The following ATP11A variants were observed in gnomAD, a reference collection of about 807,000 sequenced individuals.
ATP11A encodes the protein phospholipid-transporting ATPase IH.
ATP11A carries 81 observed loss-of-function variants against 154.4 expected under a neutral mutation model. That is an observed-to-expected ratio of 0.52 (90% CI 0.44 to 0.63). The LOEUF (loss-of-function observed/expected upper bound fraction) is 0.63, where lower values mean the gene tolerates loss of function less well. Among genes scored for constraint, ATP11A ranks in the 30% least tolerant of loss-of-function variants. ATP11A has a pLI of 0.00. For synonymous variants in ATP11A, 623 were observed against 585.9 expected (o/e 1.06, Z -0.91); for missense variants, 1,316 against 1,474.3 (o/e 0.89, Z 1.76).
At chr13:112,699,904 G>A (rs941712940) in intron 1 of ATP11A, among the ~76,000 whole-genome samples, 1 of 152,004 alleles carries the variant, frequency 6.6e-6, no homozygotes, top group Non-Finnish European at 1.5e-5. Context: ...CTTTATTAAT[G>A]GACATGAAAA....
At chr13:112,858,415 A>G (rs2079998862) in intron 22 of ATP11A, 125 bp downstream of exon 22, 2 of 1,037,766 alleles carry the variant, frequency 1.9e-6, no homozygotes, top group Non-Finnish European at 2.7e-6. Context: ...CAACTGTCAG[A>G]AAGGAAGGGG....
intron 2 of ATP11A, among the ~76,000 whole-genome samples, chr13:112,798,412 C>T (rs551352968): frequency 6.6e-6 from 1 of 152,340 alleles, no homozygotes; most frequent in African/African-American, 2.4e-5. Flanking sequence ...GATTACAGGG[C>T]ACAGCACCCA....
chr13:112,880,900 C>G, intron 29 of ATP11A: 1 of 998,428 alleles, frequency 1.0e-6, no homozygotes, highest in Non-Finnish European at 1.2e-6. Context: ...CACAGCCTGA[C>G]CAGACCCAGC....
At chr13:112,738,352 G>C (rs909990582) in intron 1 of ATP11A, among the ~76,000 whole-genome samples, 1 of 150,288 alleles carries the variant, frequency 6.7e-6, no homozygotes, top group Non-Finnish European at 1.5e-5. Context: ...CAACCTGGAC[G>C]ACAAGAGTGA....
chr13:112,821,825 A>T (rs554531055), intron 8 of ATP11A, among the ~76,000 whole-genome samples: 2 of 152,176 alleles, frequency 1.3e-5, no homozygotes, highest in African/African-American at 4.8e-5. Context: ...CTTTTTAAAA[A>T]CGCTGTTTGT....
chr13:112,791,368 C>G (rs1016187990), intron 2 of ATP11A, among the ~76,000 whole-genome samples: 3 of 152,238 alleles, frequency 2.0e-5, no homozygotes, highest in African/African-American at 7.2e-5. Flanking sequence ...GAGCTGGCTT[C>G]TCCCTTCCTG....
intron 2 of ATP11A, among the ~76,000 whole-genome samples, chr13:112,800,572 GA>G (rs553388141): frequency 0.01 from 1,393 of 138,766 alleles, 19 homozygotes; most frequent in African/African-American, 0.031. Flanking sequence ...AACATTTAAG[GA>G]AAAAAAAAAA....
chr13:112,720,135 G>A (rs565690028), intron 1 of ATP11A, among the ~76,000 whole-genome samples: 1 of 152,188 alleles, frequency 6.6e-6, no homozygotes, highest in Non-Finnish European at 1.5e-5. Context: ...AGTGACTGTG[G>A]GCTGGGGAAA....
chr13:112,827,479 ACCACCGCCCTG>A (rs2078963235), intron 12 of ATP11A, among the ~76,000 whole-genome samples: 1 of 152,156 alleles, frequency 6.6e-6, no homozygotes, highest in South Asian at 2.1e-4. Flanking sequence ...GTCTGGTGTG[ACCACCGCCCTG>A]CCACCGCACC....
At chr13:112,740,025 T>C (rs1175673524) in intron 1 of ATP11A, among the ~76,000 whole-genome samples, 1 of 152,070 alleles carries the variant, frequency 6.6e-6, no homozygotes, top group East Asian at 1.9e-4. Context: ...ATGATGAAAA[T>C]GCTCTAGAAT....
intron 1 of ATP11A, among the ~76,000 whole-genome samples, chr13:112,703,650 T>A (rs557739651): frequency 2.6e-5 from 4 of 152,254 alleles, no homozygotes; most frequent in Non-Finnish European, 5.9e-5. Context: ...AGTTAGGTAA[T>A]TTGACCCTTC....
At chr13:112,751,045 G>A (rs1263099288) in intron 1 of ATP11A, among the ~76,000 whole-genome samples, 1 of 152,224 alleles carries the variant, frequency 6.6e-6, no homozygotes, top group East Asian at 1.9e-4. Flanking sequence ...TGCCCACTGT[G>A]GAGGAGCTGA....
At chr13:112,782,254 C>T (rs1024996375) in intron 1 of ATP11A, among the ~76,000 whole-genome samples, 1 of 152,130 alleles carries the variant, frequency 6.6e-6, no homozygotes, top group Non-Finnish European at 1.5e-5. Flanking sequence ...TGGAAGCGGC[C>T]GGGAAGCGTG....
intron 1 of ATP11A, among the ~76,000 whole-genome samples, chr13:112,767,537 A>G (rs9604434): frequency 0.26 from 29,385 of 115,202 alleles, 4,307 homozygotes; most frequent in Middle Eastern, 0.37. Flanking sequence ...GTGGGAAGGT[A>G]GGGAGGATGT....
chr13:112,745,807 G>A (rs1566417252), intron 1 of ATP11A: 1 of 152,198 alleles, frequency 6.6e-6, no homozygotes, highest in Non-Finnish European at 1.5e-5. Context: ...GACCATCATA[G>A]CCATGTTAAG....
chr13:112,763,922 G>A (rs919216362), intron 1 of ATP11A, among the ~76,000 whole-genome samples: 2 of 152,150 alleles, frequency 1.3e-5, no homozygotes, highest in Non-Finnish European at 2.9e-5. Context: ...TGCCCCAACC[G>A]CCTTGGGCAC....
At chr13:112,853,246 C>CTATA (rs752728056) in intron 18 of ATP11A, among the ~76,000 whole-genome samples, 4 of 145,324 alleles carry the variant, frequency 2.8e-5, no homozygotes, top group Admixed American at 6.9e-5. Flanking sequence ...TTCTCTCTCT[C>CTATA]TATATATATA....
At chr13:112,792,149 G>A (rs1414938881) in intron 2 of ATP11A, among the ~76,000 whole-genome samples, 4 of 152,168 alleles carry the variant, frequency 2.6e-5, no homozygotes, top group Non-Finnish European at 5.9e-5. Context: ...ATTACATCCG[G>A]CAATACCTCT....
chr13:112,747,640 G>T (rs941725977), intron 1 of ATP11A, among the ~76,000 whole-genome samples: 6 of 152,090 alleles, frequency 3.9e-5, no homozygotes, highest in Admixed American at 2.0e-4. Flanking sequence ...GTTCGAGACC[G>T]GCCTGGCCAA....
Sources: allele counts gnomAD v4.1 joint callset (sites outside exome capture counted in the v4.1 genomes callset), GRCh38; gene constraint gnomAD v4.1.1; transcripts MANE v1.5; gene names NCBI Gene and HGNC (gene_info 2026-07-23, HGNC 2026-07-21).